FBXO31: variants seen among roughly 807,000 people sequenced by gnomAD.
FBXO31 encodes the protein F-box only protein 31.
FBXO31 carries 24 observed loss-of-function variants against 54.4 expected under a neutral mutation model. That is an observed-to-expected ratio of 0.44 (90% confidence interval 0.32 to 0.62). The LOEUF (loss-of-function observed/expected upper bound fraction) is 0.62. Among genes scored for constraint, FBXO31 ranks in the 20% least tolerant of loss-of-function variants. The pLI is 0.05. For missense variants in FBXO31, 665 were observed against 787.1 expected, an observed-to-expected ratio of 0.84 and a Z score of 1.86; for synonymous variants, 388 against 335.6, an observed-to-expected ratio of 1.16 and a Z score of -1.71.
chr16:87,359,457 T>C (rs976319439), intron 2 of FBXO31, among the ~76,000 whole-genome samples: 5 of 152,190 alleles, frequency 3.3e-5, no homozygotes, highest in Non-Finnish European at 7.3e-5. Flanking sequence ...GCCAAACACC[T>C]GTGTCCCTAC....
intron 1 of FBXO31, 57 bp from the exon 2 acceptor site, chr16:87,360,423 G>A (rs1240107716): frequency 1.3e-5 from 19 of 1,506,844 alleles, no homozygotes; most frequent in African/African-American, 4.1e-5. Flanking sequence ...CGCGACAGAC[G>A]TGGGCAGGCT....
At chr16:87,344,675 A>G (rs911116277) in intron 3 of FBXO31, among the ~76,000 whole-genome samples, 1 of 152,096 alleles carries the variant, frequency 6.6e-6, no homozygotes, top group Admixed American at 6.5e-5. Context: ...ACTGCCAGTA[A>G]GTAAAACAAT....
chr16:87,374,186 G>T (rs1255610098), intron 1 of FBXO31, among the ~76,000 whole-genome samples: 2 of 151,544 alleles, frequency 1.3e-5, no homozygotes, highest in African/African-American at 4.9e-5. Flanking sequence ...AAGTTGCCGT[G>T]AGCCATGATC....
upstream of FBXO31, among the ~76,000 whole-genome samples, chr16:87,387,126 C>T (rs1351898770): frequency 6.6e-6 from 1 of 151,852 alleles, no homozygotes; most frequent in Non-Finnish European, 1.5e-5. Flanking sequence ...AACCCCATCT[C>T]TACAAAAATA....
At chr16:87,388,313 C>T (rs893367869), upstream of FBXO31, among the ~76,000 whole-genome samples, 1 of 152,252 alleles carries the variant, frequency 6.6e-6, no homozygotes, top group Non-Finnish European at 1.5e-5. Flanking sequence ...CTGAAGACTG[C>T]AGTCTATTCA....
rs898680053 is a variant in FBXO31, at chr16:87,346,743, C to T, written c.489+431G>A. On this transcript the variant is annotated intron_variant, in intron 3 of 8. Transcript: ENST00000311635. This position sits in a 1 kb window ranked among gnomAD's most constrained non-coding sequence, Gnocchi z 4.2. ...GGCTCCAGTAGGAGGGCACAGGGGG[C>T]GGGAGGCAGGGTGGTCAGAGCGGGT... 3.3e-5 allele frequency among the ~76,000 whole-genome samples: 5 copies of T among 152,128 alleles called. No homozygotes were observed. The highest frequency in any genetic ancestry group is 7.2e-5 in the African/African-American group (3 of 41,436).
In FBXO31 at chr16:87,335,412, G is replaced by GGGGCGGCT. The variant is rs1567613543; in HGVS notation, c.880_887dup (p.Asp297AlafsTer24). ...AGAGGCCAGGCTTGATGAGGTCGTCGGGGCGGCTGGGCGGCAGGTAGATGC... is the reference window on the plus strand; with the variant it reads ...AGAGGCCAGGCTTGATGAGGTCGTCGGGGCGGCTGGGCGGCTGGGCGGCAGGTAGATGC... On this transcript the variant is annotated frameshift_variant, in exon 7 of 9. Coordinates refer to ENST00000311635, the MANE Select transcript of FBXO31 (RefSeq NM_024735.5). LOFTEE classifies it high-confidence loss of function. The surrounding 1 kb of genome is among the most constrained non-coding windows in gnomAD (Gnocchi z 5.7). 2 of 1,613,624 alleles carry GGGGCGGCT rather than the reference G, an allele frequency of 1.2e-6. No individual in the cohort carries two copies. Among genetic ancestry groups the GGGGCGGCT allele is most frequent in the Non-Finnish European group, 1.7e-6 (2 of 1,179,966 alleles).
chr16:87,342,982 G>T lies in FBXO31; in HGVS notation c.658-31C>A, dbSNP rs373030378. ...GTGTTTGCAACACAAGGAAAGAGAA[G>T]AGTGAGGAACAGAGTCCATCACAGC... On this transcript the variant is annotated intron_variant, in intron 4 of 8. Transcript: ENST00000311635. The T allele has an allele frequency of 9.5e-6, 15 of 1,576,456 alleles. No homozygotes were observed. The South Asian group carries it at 1.2e-4, about 12-fold the overall frequency.
chr16:87,378,559 G>T (rs570426921), intron 1 of FBXO31, among the ~76,000 whole-genome samples: 44 of 152,322 alleles, frequency 2.9e-4, no homozygotes, highest in African/African-American at 1.0e-3. Context: ...GGTGACAGGG[G>T]TACAAAGGGA....
chr16:87,366,133 C>CG (rs1906358909), intron 1 of FBXO31, among the ~76,000 whole-genome samples: 1 of 152,094 alleles, frequency 6.6e-6, no homozygotes, highest in Admixed American at 6.5e-5. Context: ...CTGAATGCCA[C>CG]GGGGGCTCCC....
chr16:87,358,502 A>G lies in FBXO31; in HGVS notation c.412+1793T>C, dbSNP rs143023231. On this transcript the variant is annotated intron_variant, in intron 2 of 8. Transcript: ENST00000311635. The surrounding 1 kb of genome is among the most constrained non-coding windows in gnomAD (Gnocchi z 4.0). Reference sequence around the variant, plus strand: ...ACTTCACGCGAGGGTTTATACCTGAACAGACACAGCAGGGAAAGGGCTAAG... The same window carrying G: ...ACTTCACGCGAGGGTTTATACCTGAGCAGACACAGCAGGGAAAGGGCTAAG... 0.014 allele frequency: 2,208 copies of G among 152,842 alleles called. 37 individuals carry two copies. The highest frequency in any genetic ancestry group is 0.02 in the Admixed American group (299 of 15,304). 9.5% of individuals were successfully genotyped at this position (152,842 alleles called of 1,614,324 possible). A position where few individuals can be genotyped will look rare whatever the true frequency, so the allele number is the denominator to read the frequency against.
Position 87,343,691 on chromosome 16 carries a change from G to T in FBXO31, c.564C>A (p.Phe188Leu), listed in dbSNP as rs1302260436. 1.2e-6 allele frequency: 2 copies of T among 1,614,228 alleles called. No individual in the cohort carries two copies. The highest frequency in any genetic ancestry group is 1.7e-6 in the Non-Finnish European group (2 of 1,180,040). Residue 188 changes from phenylalanine (F) to leucine (L), a missense_variant, in exon 4 of 9, where the codon TTC becomes TTA. Transcript: ENST00000311635. ...HDPHVDDPMR[F>L]KPLFRIHLME... is the part of the protein sequence containing the mutation. ...TCAGGTGGATCCTGAACAGAGGCTT[G>T]AATCTCATAGGGTCATCGACGTGGG... is the stretch of plus-strand genomic sequence containing the variant.
chr16:87,347,629 G>A (rs989624644), intron 2 of FBXO31, among the ~76,000 whole-genome samples: 4 of 141,128 alleles, frequency 2.8e-5, no homozygotes, highest in Non-Finnish European at 4.5e-5. Flanking sequence ...GCAGTGAGCC[G>A]AGATCACACA....
chr16:87,381,263 AAGAC>A (rs1249758270), intron 1 of FBXO31, among the ~76,000 whole-genome samples: 1 of 152,212 alleles, frequency 6.6e-6, no homozygotes, highest in East Asian at 1.9e-4. Flanking sequence ...CTAAGAGAAA[AAGAC>A]AAAAATAGAC....
intron 2 of FBXO31, among the ~76,000 whole-genome samples, chr16:87,348,802 G>A (rs1400615883): frequency 1.3e-5 from 2 of 152,216 alleles, no homozygotes; most frequent in Admixed American, 6.5e-5. Flanking sequence ...CAGGACCAGC[G>A]CAGGGTGGAG....
At chr16:87,389,731 G>C (rs1346168743) in intron 1 of FBXO31, 1 of 152,088 alleles carries the variant, frequency 6.6e-6, no homozygotes, top group African/African-American at 2.4e-5. Context: ...CATAATATGC[G>C]CTTACCGGAT....
At chr16:87,339,488 G>A (rs998136386) in intron 5 of FBXO31, among the ~76,000 whole-genome samples, 2 of 152,228 alleles carry the variant, frequency 1.3e-5, no homozygotes, top group African/African-American at 4.8e-5. Context: ...GGAGGGCGCA[G>A]CCAGTGCAGC....
rs1415614622 is a variant in FBXO31, at chr16:87,345,346, G to A, written c.490-1581C>T. On this transcript the variant is annotated intron_variant, in intron 3 of 8. Coordinates refer to ENST00000311635, the MANE Select transcript of FBXO31 (RefSeq NM_024735.5). The surrounding 1 kb of genome is among the most constrained non-coding windows in gnomAD (Gnocchi z 4.9). The stretch of plus-strand genomic sequence containing the variant: ...GGGGAGGGCGGGAGGCAGGGTGGGA[G>A]GGAGGGAGGGGAAGAGGGTGGGAGG... 6.7e-6 allele frequency among the ~76,000 whole-genome samples: 1 copy of A among 150,278 alleles called. No homozygotes were observed. Among genetic ancestry groups the A allele is most frequent in the Non-Finnish European group, 1.5e-5 (1 of 67,462 alleles).
chr16:87,358,142 G>A lies in FBXO31; in HGVS notation c.412+2153C>T, dbSNP rs1485403987. On this transcript the variant is annotated intron_variant, in intron 2 of 8. Coordinates refer to ENST00000311635, the MANE Select transcript of FBXO31 (RefSeq NM_024735.5). This position sits in a 1 kb window ranked among gnomAD's most constrained non-coding sequence, Gnocchi z 4.0. ...CAATAAACGATACATGTGAAAATGTGCATTAAAGTGATCTCGACTGGTAGT... is the reference window on the plus strand; with the variant it reads ...CAATAAACGATACATGTGAAAATGTACATTAAAGTGATCTCGACTGGTAGT... 6.6e-6 allele frequency among the ~76,000 whole-genome samples: 1 copy of A among 152,186 alleles called. No homozygotes were observed. The highest frequency in any genetic ancestry group is 1.5e-5 in the Non-Finnish European group (1 of 68,044).
Sources: allele counts gnomAD v4.1 joint callset (sites outside exome capture counted in the v4.1 genomes callset), GRCh38; gene constraint gnomAD v4.1.1; non-coding constraint Gnocchi (gnomAD v3.1); transcripts MANE v1.5; gene names NCBI Gene and HGNC (gene_info 2026-07-23, HGNC 2026-07-21).